KCNIP4: variants seen among roughly 807,000 people sequenced by gnomAD.
The protein encoded by KCNIP4 is Kv channel-interacting protein 4.
KCNIP4 carries 12 observed loss-of-function variants against 34.0 expected under a neutral mutation model. That is an observed-to-expected ratio of 0.35 (90% CI 0.23 to 0.57). The LOEUF is 0.57. KCNIP4 is among the 20% of genes least tolerant of loss of function. The probability of loss-of-function intolerance (pLI) is 0.83; values close to 1 mark genes in which losing one functional copy is unlikely to be tolerated. For missense variants in KCNIP4, 238 were observed against 311.7 expected (o/e 0.76, Z 1.78); for synonymous variants, 124 against 102.2 (o/e 1.21, Z -1.29).
rs141760147 is a variant in KCNIP4 at position 20,754,405 on chromosome 4, T to TG, written c.358+4415dup. Among the ~76,000 whole-genome samples, 110 of 152,302 alleles carry TG rather than the reference T, an allele frequency of 7.2e-4. No homozygotes were observed. The East Asian group carries it at 7.3e-3, about 10-fold the overall frequency. ...TACTGTTCATAATGAGAAAAACTGT[T>TG]GCATTCAGACCATCATCCTGAATAA... On this transcript the variant is annotated intron_variant, in intron 4 of 8. Transcript: ENST00000382152.
chr4:21,860,098 A>G (rs1341324228), intron 1 of KCNIP4, among the ~76,000 whole-genome samples: 1 of 152,166 alleles, frequency 6.6e-6, no homozygotes, highest in Admixed American at 6.5e-5. Context: ...AAATGCATGT[A>G]TTTATGATCA....
At chr4:21,298,237 C>T (rs547892039) in intron 1 of KCNIP4, among the ~76,000 whole-genome samples, 1 of 152,202 alleles carries the variant, frequency 6.6e-6, no homozygotes, top group South Asian at 2.1e-4. Context: ...ACCATCAGTG[C>T]TCCTTCTTGT....
chr4:20,792,736 A>T (rs1374398260), intron 3 of KCNIP4, among the ~76,000 whole-genome samples: 1 of 152,192 alleles, frequency 6.6e-6, no homozygotes, highest in Non-Finnish European at 1.5e-5. Context: ...TATAGATCTA[A>T]TAATATAGAT....
At chr4:21,167,617 A>T (rs1305033242) in intron 1 of KCNIP4, among the ~76,000 whole-genome samples, 1 of 152,222 alleles carries the variant, frequency 6.6e-6, no homozygotes, top group Non-Finnish European at 1.5e-5. Flanking sequence ...CAACATTGAG[A>T]TTCAAAGCAT....
chr4:20,850,394 A>G (rs1298135780), intron 3 of KCNIP4, 149 bp downstream of exon 3: 4 of 818,168 alleles, frequency 4.9e-6, no homozygotes, highest in African/African-American at 3.4e-5. Context: ...GTCCACAGAT[A>G]CTGATTATAT....
intron 1 of KCNIP4, among the ~76,000 whole-genome samples, chr4:21,740,459 T>A (rs1458184408): frequency 1.3e-5 from 2 of 152,004 alleles, no homozygotes; most frequent in East Asian, 3.9e-4. Context: ...TAATTATTAA[T>A]CATATCACAT....
chr4:21,655,985 T>A (rs1228360544), intron 1 of KCNIP4, among the ~76,000 whole-genome samples: 1 of 152,196 alleles, frequency 6.6e-6, no homozygotes, highest in Admixed American at 6.5e-5. Flanking sequence ...AACTACTTAA[T>A]CTCTGTATTA....
intron 1 of KCNIP4, among the ~76,000 whole-genome samples, chr4:20,920,952 C>T (rs1729338801): frequency 6.6e-6 from 1 of 152,020 alleles, no homozygotes; most frequent in Non-Finnish European, 1.5e-5. Flanking sequence ...CACGCCACTG[C>T]ACTCAAGCCT....
intron 1 of KCNIP4, among the ~76,000 whole-genome samples, chr4:21,739,703 T>C (rs1716270265): frequency 6.6e-6 from 1 of 152,122 alleles, no homozygotes; most frequent in African/African-American, 2.4e-5. Flanking sequence ...AGGAGAAAGT[T>C]ATGCTTGTTA....
At chr4:21,205,814 C>A (rs1160079202) in intron 1 of KCNIP4, among the ~76,000 whole-genome samples, 3 of 152,204 alleles carry the variant, frequency 2.0e-5, no homozygotes, top group Non-Finnish European at 1.5e-5. Context: ...TGCTCCTAAC[C>A]ACTCTGAGGG....
intron 1 of KCNIP4, among the ~76,000 whole-genome samples, chr4:20,968,004 C>G (rs182079802): frequency 6.6e-6 from 1 of 151,720 alleles, no homozygotes; most frequent in Admixed American, 6.6e-5. Flanking sequence ...ACCTACAGAA[C>G]GGGAGAAAAT....
At chr4:21,326,498 G>A (rs767073244) in intron 1 of KCNIP4, among the ~76,000 whole-genome samples, 22 of 150,886 alleles carry the variant, frequency 1.5e-4, no homozygotes, top group Non-Finnish European at 2.5e-4. Flanking sequence ...ATCTTTACAG[G>A]TGAAGTGTGT....
intron 1 of KCNIP4, among the ~76,000 whole-genome samples, chr4:21,389,035 A>T (rs2109505699): frequency 6.6e-6 from 1 of 151,782 alleles, no homozygotes; most frequent in South Asian, 2.1e-4. Context: ...CACCAGCTGA[A>T]GTTCAGTGGC....
intron 1 of KCNIP4, among the ~76,000 whole-genome samples, chr4:21,505,791 T>G (rs1560468014): frequency 6.6e-6 from 1 of 152,142 alleles, no homozygotes; most frequent in Non-Finnish European, 1.5e-5. Context: ...TAAATCCATT[T>G]GAATCACATT....
intron 1 of KCNIP4, among the ~76,000 whole-genome samples, chr4:21,443,994 C>A (rs1394188538): frequency 6.6e-6 from 1 of 152,102 alleles, no homozygotes; most frequent in African/African-American, 2.4e-5. Context: ...ATACTATAAA[C>A]ACCTCTATGC....
chr4:21,291,853 C>CAAA (rs754018961), intron 1 of KCNIP4, among the ~76,000 whole-genome samples: 7 of 26,134 alleles, frequency 2.7e-4, no homozygotes, highest in Admixed American at 5.8e-4. Flanking sequence ...GACTCCGCCT[C>CAAA]AAAAAAAAAA....
chr4:21,535,422 T>C (rs1737072974), intron 1 of KCNIP4, among the ~76,000 whole-genome samples: 1 of 152,156 alleles, frequency 6.6e-6, no homozygotes, highest in South Asian at 2.1e-4. Flanking sequence ...CCGGTAAGAC[T>C]CAAGGTCTAC....
chr4:21,475,572 T>C (rs1259066969), intron 1 of KCNIP4, among the ~76,000 whole-genome samples: 1 of 152,198 alleles, frequency 6.6e-6, no homozygotes, highest in African/African-American at 2.4e-5. Context: ...ACTTAGAGCA[T>C]ATATTTAATG....
chr4:21,725,726 T>TC (rs1354321167), intron 1 of KCNIP4, among the ~76,000 whole-genome samples: 3 of 152,192 alleles, frequency 2.0e-5, no homozygotes, highest in Non-Finnish European at 4.4e-5. Context: ...AGTGTTTATT[T>TC]CCCCTTAGAA....
Sources: allele counts gnomAD v4.1 joint callset (sites outside exome capture counted in the v4.1 genomes callset), GRCh38; gene constraint gnomAD v4.1.1; transcripts MANE v1.5; gene names NCBI Gene and HGNC (gene_info 2026-07-23, HGNC 2026-07-21).